Variants in GIMAP7 observed in about 807,000 individuals in gnomAD.
GIMAP7 encodes GTPase IMAP family member 7.
For missense variants in GIMAP7, 323 were observed against 359.7 expected, an observed-to-expected ratio of 0.90 and a Z score of 0.83; for synonymous variants, 137 against 129.3, an observed-to-expected ratio of 1.06 and a Z score of -0.40.
In GIMAP7 at chr7:150,520,072, T is replaced by C; in HGVS notation, c.98T>C (p.Ile33Thr). ...ATANTILGEE[I>T]FDSRIAAQAV... is the part of the protein sequence containing the mutation. ...GCGAACACCATCCTTGGAGAGGAAA[T>C]CTTTGATTCTAGAATTGCTGCCCAA... The change falls in exon 2 of 2, where the codon ATC (isoleucine) becomes ACC (threonine). Residue 33 changes from isoleucine to threonine, a missense_variant. Coordinates refer to ENST00000313543, the MANE Select transcript of GIMAP7 (RefSeq NM_153236.4). The C allele has an allele frequency of 6.2e-7, 1 of 1,613,952 alleles. No homozygotes were observed. Among genetic ancestry groups the C allele is most frequent in the Non-Finnish European group, 8.5e-7 (1 of 1,179,990 alleles).
rs751507271 is a variant in GIMAP7, at chr7:150,520,053, A to G, written c.79A>G (p.Thr27Ala). 1 of 1,614,146 alleles carries G rather than the reference A, an allele frequency of 6.2e-7. No individual in the cohort carries two copies. Reference protein sequence around the residue: ...TGSGKSATANTILGEEIFDSR... With the variant: ...TGSGKSATANAILGEEIFDSR... ...AAGTGGGAAAAGTGCAACAGCGAACACCATCCTTGGAGAGGAAATCTTTGA... is the reference window on the plus strand; with the variant it reads ...AAGTGGGAAAAGTGCAACAGCGAACGCCATCCTTGGAGAGGAAATCTTTGA... Residue 27 changes from threonine (T) to alanine (A), a missense_variant, in exon 2 of 2, where the codon ACC becomes GCC. Thr to Ala is a moderately conservative substitution (Grantham distance 58). Transcript: ENST00000313543.
intron 1 of GIMAP7, among the ~76,000 whole-genome samples, chr7:150,519,721 A>C (rs1440223930): frequency 6.6e-6 from 1 of 152,240 alleles, no homozygotes; most frequent in Non-Finnish European, 1.5e-5. Context: ...AACCATCTAT[A>C]CCTGGTACTA....
In GIMAP7 at chr7:150,520,715, G is replaced by A; in HGVS notation, c.741G>A (p.Glu247=). 6.5e-7 allele frequency: 1 copy of A among 1,531,356 alleles called. No homozygotes were observed. 94.9% of individuals were successfully genotyped at this position (1,531,356 alleles called of 1,614,324 possible). Residue 247 remains glutamate, a synonymous_variant, in exon 2 of 2, where the codon GAG becomes GAA. Coordinates refer to ENST00000313543, the MANE Select transcript of GIMAP7 (RefSeq NM_153236.4). ...AGCATAAATCAGAGGAAGAAAAGGAGAAAGAAATTAAATTACTAAAATTAA... is the reference window on the plus strand; with the variant it reads ...AGCATAAATCAGAGGAAGAAAAGGAAAAAGAAATTAAATTACTAAAATTAA... ...EDKHKSEEEK[E]KEIKLLKLKY... is the part of the protein sequence containing the mutation.
chr7:150,518,588 T>C (rs957868285), intron 1 of GIMAP7, among the ~76,000 whole-genome samples: 13 of 152,226 alleles, frequency 8.5e-5, no homozygotes, highest in African/African-American at 3.1e-4. Context: ...CTTCATACAG[T>C]AGGAAAAGTA....
At chr7:150,515,139 C>G (rs1795121793) in intron 1 of GIMAP7, among the ~76,000 whole-genome samples, 194 bp downstream of exon 1, 1 of 152,144 alleles carries the variant, frequency 6.6e-6, no homozygotes, top group African/African-American at 2.4e-5. Context: ...CCATGCATCT[C>G]ATATGTAACA....
intron 1 of GIMAP7, among the ~76,000 whole-genome samples, chr7:150,515,606 A>T (rs1563300923): frequency 6.6e-6 from 1 of 152,190 alleles, no homozygotes; most frequent in Non-Finnish European, 1.5e-5. Context: ...GGAGCTACGA[A>T]ATTTTCTAGA....
chr7:150,518,208 C>T (rs1027383793), intron 1 of GIMAP7, among the ~76,000 whole-genome samples: 11 of 152,180 alleles, frequency 7.2e-5, no homozygotes, highest in Non-Finnish European at 1.2e-4. Flanking sequence ...ATCCTAAAAT[C>T]GGGATTGATA....
rs1795169485 is a variant in GIMAP7 at position 150,519,922 on chromosome 7, C to T, written c.-41-12C>T. 6.5e-7 allele frequency: 1 copy of T among 1,529,404 alleles called. No homozygotes were observed. The highest frequency in any genetic ancestry group is 1.9e-5 in the Admixed American group (1 of 51,526). 94.7% of individuals were successfully genotyped at this position (1,529,404 alleles called of 1,614,324 possible). A position where few individuals can be genotyped will look rare whatever the true frequency, so the allele number is the denominator to read the frequency against. On this transcript the variant is annotated splice_polypyrimidine_tract_variant and intron_variant, in intron 1 of 1. Transcript: ENST00000313543. ...AAACTGGCTTTTTTTCCCCTATCTT[C>T]CCCTCCTTAAGGTCTTGTACGTGCC...
At chr7:150,517,160 A>G (rs1450113170) in intron 1 of GIMAP7, among the ~76,000 whole-genome samples, 1 of 152,210 alleles carries the variant, frequency 6.6e-6, no homozygotes, top group Non-Finnish European at 1.5e-5. Flanking sequence ...GTCAATGTTC[A>G]GAATGATGAG....
At chr7:150,516,710 G>A (rs956207758) in intron 1 of GIMAP7, among the ~76,000 whole-genome samples, 4 of 152,132 alleles carry the variant, frequency 2.6e-5, no homozygotes, top group African/African-American at 9.7e-5. Context: ...CTTTGTTTAA[G>A]GAAGGGAAGG....
In GIMAP7 at chr7:150,520,286, C is replaced by T; in HGVS notation, c.312C>T (p.Tyr104=). The stretch of plus-strand genomic sequence containing the variant: ...TCCTAGTTCTGCTGCTGGGCCGCTA[C>T]ACAGAGGAGGAGCAGAAAACCGTTG... The part of the protein sequence containing the change: ...AIVLVLLLGR[Y]TEEEQKTVAL... Residue 104 remains tyrosine, a synonymous_variant, in exon 2 of 2, where the codon TAC becomes TAT. Coordinates refer to ENST00000313543, the MANE Select transcript of GIMAP7 (RefSeq NM_153236.4). The T allele has an allele frequency of 6.2e-7, 1 of 1,614,176 alleles. No individual in the cohort carries two copies. Among genetic ancestry groups the T allele is most frequent in the Non-Finnish European group, 8.5e-7 (1 of 1,180,040 alleles).
chr7:150,519,826 A>C, intron 1 of GIMAP7, 108 bp from the exon 2 acceptor site: 1 of 634,174 alleles, frequency 1.6e-6, no homozygotes, highest in South Asian at 2.0e-5. Context: ...AATATGGATA[A>C]TAGGATATTA....
intron 1 of GIMAP7, among the ~76,000 whole-genome samples, chr7:150,515,709 G>C (rs909256268): frequency 1.0e-5 from 1 of 99,992 alleles, no homozygotes; most frequent in Admixed American, 1.0e-4. Context: ...AGGTCCTCTG[G>C]ATCTTCCAGG....
intron 1 of GIMAP7, among the ~76,000 whole-genome samples, chr7:150,516,886 A>G (rs1795141796): frequency 6.6e-6 from 1 of 152,186 alleles, no homozygotes; most frequent in Non-Finnish European, 1.5e-5. Context: ...TACTTCATAG[A>G]TGCTATCCTA....
chr7:150,517,136 C>G (rs77910660), intron 1 of GIMAP7, among the ~76,000 whole-genome samples: 2 of 152,166 alleles, frequency 1.3e-5, no homozygotes, highest in South Asian at 2.1e-4. Context: ...ATAAATGCTT[C>G]TTTCCCTTTA....
intron 1 of GIMAP7, among the ~76,000 whole-genome samples, chr7:150,515,148 C>CA (rs984388964): frequency 6.6e-6 from 1 of 152,132 alleles, no homozygotes; most frequent in Non-Finnish European, 1.5e-5. Flanking sequence ...TCATATGTAA[C>CA]AGGACACACA....
Position 150,516,397 on chromosome 7 carries a change from T to G in GIMAP7, c.-42+1452T>G, listed in dbSNP as rs546706292. On this transcript the variant is annotated intron_variant, in intron 1 of 1. Coordinates refer to ENST00000313543, the MANE Select transcript of GIMAP7 (RefSeq NM_153236.4). ...ATATCTGCTCCTATTCTCAACTCTA[T>G]CACAGATTATTTTGAAGCAAATGTC... Among the ~76,000 whole-genome samples the G allele has an allele frequency of 1.9e-3, 284 of 152,322 alleles. 4 individuals carry two copies. The South Asian group carries it at 0.022, about 12-fold the overall frequency.
In GIMAP7 at chr7:150,520,922, G is replaced by A; in HGVS notation, c.*45G>A. 2 of 607,276 alleles carry A rather than the reference G, an allele frequency of 3.3e-6. No homozygotes were observed. Among genetic ancestry groups the A allele is most frequent in the Non-Finnish European group, 4.6e-6 (2 of 438,696 alleles). The allele number at this position is 607,276 out of a possible 1,614,324, so 37.6% of individuals were successfully genotyped here. A position where few individuals can be genotyped will look rare whatever the true frequency, so the allele number is the denominator to read the frequency against. Reference sequence around the variant, plus strand: ...GGATGAATTGTATTTTGCAAAGATAGTTAGAGAAATACCTCCTTCCCCTTA... The same window carrying A: ...GGATGAATTGTATTTTGCAAAGATAATTAGAGAAATACCTCCTTCCCCTTA... On this transcript the variant is annotated 3_prime_UTR_variant, in exon 2 of 2. Transcript: ENST00000313543.
Position 150,520,661 on chromosome 7 carries a change from T to A in GIMAP7, c.687T>A (p.Asn229Lys), listed in dbSNP as rs1274288755. Residue 229 changes from asparagine to lysine, a missense_variant, in exon 2 of 2, where the codon AAT becomes AAA. Coordinates refer to ENST00000313543, the MANE Select transcript of GIMAP7 (RefSeq NM_153236.4). ...GGAAAATCTACACTGACCAATTAAA[T>A]GAAGAAATTAAACTAGTAGAAGAGG... Reference protein sequence around the residue: ...VLRKIYTDQLNEEIKLVEEDK... With the variant: ...VLRKIYTDQLKEEIKLVEEDK... The A allele has an allele frequency of 1.2e-6, 2 of 1,610,710 alleles. No individual in the cohort carries two copies. The highest frequency in any genetic ancestry group is 1.7e-6 in the Non-Finnish European group (2 of 1,178,212).
Sources: gnomAD v4.1 joint callset for allele counts (sites outside exome capture counted in the v4.1 genomes callset) on GRCh38, gnomAD v4.1.1 for gene constraint, MANE v1.5 for transcripts, NCBI Gene and HGNC (gene_info 2026-07-23, HGNC 2026-07-21) for gene names.